The following PSD3 variants were observed in gnomAD, a reference collection of about 807,000 sequenced individuals.
PSD3 encodes the protein PH and SEC7 domain-containing protein 3.
In PSD3, 49 loss-of-function variants were observed where a neutral mutation model predicts 105.5. That is an observed-to-expected ratio of 0.46 (90% CI 0.37 to 0.59). The LOEUF is 0.59. PSD3 is among the 20% of genes least tolerant of loss of function. The pLI is 0.00. For synonymous variants in PSD3, 557 were observed against 457.8 expected (o/e 1.22, Z -2.77); for missense variants, 1,561 against 1,263.8 (o/e 1.24, Z -3.57).
At chr8:18,783,511 C>T (rs1158127247) in intron 8 of PSD3, among the ~76,000 whole-genome samples, 1 of 152,048 alleles carries the variant, frequency 6.6e-6, no homozygotes, top group Non-Finnish European at 1.5e-5. Flanking sequence ...GCTTTTGTTT[C>T]TTTCATTAGG....
At chr8:18,931,169 G>C (rs950219007) in intron 2 of PSD3, among the ~76,000 whole-genome samples, 2 of 151,614 alleles carry the variant, frequency 1.3e-5, no homozygotes, top group African/African-American at 4.9e-5. Flanking sequence ...TGAGATGTAA[G>C]AGCTCTCTAT....
intron 1 of PSD3, among the ~76,000 whole-genome samples, chr8:19,064,342 A>T (rs1563539764): frequency 1.3e-5 from 2 of 152,144 alleles, no homozygotes; most frequent in Non-Finnish European, 2.9e-5. Flanking sequence ...TTCGTTTCTT[A>T]AAAAATATTT....
intron 1 of PSD3, among the ~76,000 whole-genome samples, chr8:19,008,680 T>C (rs191870883): frequency 0.014 from 2,080 of 150,212 alleles, 35 homozygotes; most frequent in African/African-American, 0.045. Flanking sequence ...CAGCTGCTTC[T>C]ATTAAAATTT....
chr8:18,779,730 T>A (rs907429633), intron 8 of PSD3, among the ~76,000 whole-genome samples: 1 of 152,174 alleles, frequency 6.6e-6, no homozygotes, highest in Non-Finnish European at 1.5e-5. Flanking sequence ...TTCCTTGTAT[T>A]TGTACAATTT....
chr8:18,655,610 A>G (rs200147819), intron 10 of PSD3, 32 bp downstream of exon 10: 59 of 1,606,178 alleles, frequency 3.7e-5, no homozygotes, highest in Non-Finnish European at 3.6e-5. Context: ...TGAGTAGTTC[A>G]TTATTAAAAG....
At chr8:18,653,148 C>T (rs771327087) in intron 10 of PSD3, among the ~76,000 whole-genome samples, 2 of 152,164 alleles carry the variant, frequency 1.3e-5, no homozygotes, top group Non-Finnish European at 2.9e-5. Flanking sequence ...AGCAGTACTT[C>T]TTCCACAGGA....
intron 6 of PSD3, chr8:18,802,309 G>C (rs1397290880): frequency 2.4e-6 from 1 of 421,566 alleles, no homozygotes; most frequent in African/African-American, 2.0e-5. Flanking sequence ...GTTTATTTGA[G>C]ATGAATCCAG....
At chr8:18,677,603 AAC>A (rs1204902136) in intron 9 of PSD3, among the ~76,000 whole-genome samples, 2 of 152,192 alleles carry the variant, frequency 1.3e-5, no homozygotes, top group African/African-American at 4.8e-5. Flanking sequence ...AAGGGGAATA[AAC>A]AGTTATCGAT....
rs895973226 is a variant in PSD3, at chr8:18,610,168, G to A, written c.2411-9734C>T. ...TCTATTTTATAAAGGAAAAAAGTAG[G>A]GCAGCCTTGTAGGAACTGTTAAAGC... On this transcript the variant is annotated intron_variant, in intron 11 of 15. Coordinates refer to ENST00000327040, the MANE Select transcript of PSD3 (RefSeq NM_015310.4). Among the ~76,000 whole-genome samples, 63 of 152,128 alleles carry A rather than the reference G, an allele frequency of 4.1e-4. 2 individuals carry two copies. The highest frequency in any genetic ancestry group is 2.4e-4 in the Non-Finnish European group (16 of 68,016).
At chr8:18,819,238 C>A (rs939545738) in intron 4 of PSD3, among the ~76,000 whole-genome samples, 3 of 152,124 alleles carry the variant, frequency 2.0e-5, no homozygotes, top group African/African-American at 4.8e-5. Flanking sequence ...GTTTAGTCAA[C>A]AAATACTTTG....
At chr8:18,601,611 G>C (rs1804444634) in intron 11 of PSD3, among the ~76,000 whole-genome samples, 1 of 152,150 alleles carries the variant, frequency 6.6e-6, no homozygotes. Context: ...CCACCCTGCA[G>C]GTTTCCAAGG....
rs1049745213 is a variant in PSD3, at chr8:18,593,719, G to C, written c.2481+6645C>G. ...ACTCACAATAGCAAAGACTTGGAAC[G>C]AACCCAAATGTCCATCAGTGATAGA... On this transcript the variant is annotated intron_variant, in intron 12 of 15. Coordinates refer to ENST00000327040, the MANE Select transcript of PSD3 (RefSeq NM_015310.4). Among the ~76,000 whole-genome samples, 3 of 152,038 alleles carry C rather than the reference G, an allele frequency of 2.0e-5. No homozygotes were observed. In the East Asian group the frequency reaches 5.8e-4, roughly 29 times the overall value.
rs918726963 is a variant in PSD3 at position 18,527,343 on chromosome 8, A to C, written c.*8400T>G. On this transcript the variant is annotated 3_prime_UTR_variant, in exon 16 of 16. Transcript: ENST00000327040. ...GGATTTATTTCTTTCTAAAGTTTGT[A>C]CATTTACATGTATCATATACATATT... 1.3e-5 allele frequency: 2 copies of C among 152,660 alleles called. No homozygotes were observed. Among genetic ancestry groups the C allele is most frequent in the Non-Finnish European group, 1.5e-5 (1 of 68,044 alleles). The allele number at this position is 152,660 out of a possible 1,614,324, so 9.5% of individuals were successfully genotyped here.
intron 8 of PSD3, among the ~76,000 whole-genome samples, chr8:18,781,628 G>C (rs990544235): frequency 2.0e-5 from 3 of 152,070 alleles, no homozygotes; most frequent in African/African-American, 7.3e-5. Flanking sequence ...GCTGTATTTA[G>C]AATTCTCTTT....
intron 10 of PSD3, among the ~76,000 whole-genome samples, chr8:18,637,000 G>A (rs1242889322): frequency 6.6e-6 from 1 of 152,084 alleles, no homozygotes; most frequent in Non-Finnish European, 1.5e-5. Context: ...CCAAACCTAA[G>A]CCAGCACATT....
At chr8:18,838,987 A>C (rs1814388705) in intron 4 of PSD3, among the ~76,000 whole-genome samples, 1 of 151,892 alleles carries the variant, frequency 6.6e-6, no homozygotes, top group African/African-American at 2.4e-5. Context: ...AGCCTGAGGA[A>C]AAGGCTTATC....
intron 1 of PSD3, among the ~76,000 whole-genome samples, chr8:18,946,846 A>G (rs1424874454): frequency 6.6e-6 from 1 of 151,742 alleles, no homozygotes; most frequent in Non-Finnish European, 1.5e-5. Context: ...CGAAGGTTGC[A>G]GTGAGCTGAG....
chr8:18,746,796 T>C (rs941696510), intron 9 of PSD3, among the ~76,000 whole-genome samples: 4 of 152,252 alleles, frequency 2.6e-5, no homozygotes, highest in Admixed American at 1.3e-4. Flanking sequence ...TTTGTTACTG[T>C]TTATACTTTC....
At chr8:18,653,486 G>A (rs537953524) in intron 10 of PSD3, among the ~76,000 whole-genome samples, 10 of 152,238 alleles carry the variant, frequency 6.6e-5, no homozygotes, top group African/African-American at 2.2e-4. Flanking sequence ...GGTTACATGA[G>A]ACTCAATATT....
Sources: allele counts gnomAD v4.1 joint callset (sites outside exome capture counted in the v4.1 genomes callset), GRCh38; gene constraint gnomAD v4.1.1; transcripts MANE v1.5; gene names NCBI Gene and HGNC (gene_info 2026-07-23, HGNC 2026-07-21).